Variants in SLCO3A1 observed in about 807,000 individuals in gnomAD.
SLCO3A1 encodes the protein solute carrier organic anion transporter family member 3A1.
A neutral mutation model predicts 63.1 loss-of-function variants in SLCO3A1; 27 were observed. That is an observed-to-expected ratio of 0.43 (90% CI 0.32 to 0.59). The LOEUF is 0.59. Ranked by LOEUF, SLCO3A1 falls within the 20% of genes least tolerant of loss-of-function variation. The probability of loss-of-function intolerance (pLI) is 0.09; values close to 1 mark genes in which losing one functional copy is unlikely to be tolerated. For missense variants in SLCO3A1, 773 were observed against 945.8 expected, an observed-to-expected ratio of 0.82 and a Z score of 2.40; for synonymous variants, 473 against 409.9, an observed-to-expected ratio of 1.15 and a Z score of -1.86.
At position 92,126,131 on chromosome 15, in the gene SLCO3A1, G is replaced by A. The variant is rs199722906; in HGVS notation, c.1245G>A (p.Leu415=). 114 of 1,613,850 alleles carry A rather than the reference G, an allele frequency of 7.1e-5. No individual in the cohort carries two copies. Among genetic ancestry groups the A allele is most frequent in the Middle Eastern group, 1.6e-4 (1 of 6,084 alleles). The change falls in exon 6 of 10, where the codon CTG becomes CTA. Residue 415 remains leucine (L), a synonymous_variant. Transcript: ENST00000318445. Reference sequence around the variant, plus strand: ...GTCTTTTGGTGAAGAAGCTCAGCCTGTCTGCCCTGGGGGCCATTCGGATGG... The same window carrying A: ...GTCTTTTGGTGAAGAAGCTCAGCCTATCTGCCCTGGGGGCCATTCGGATGG... ...LGGLLVKKLS[L]SALGAIRMAM...
rs1036610017 is a variant in SLCO3A1, at chr15:91,885,888, A to T, written c.181-30105A>T. 6.6e-6 allele frequency among the ~76,000 whole-genome samples: 1 copy of T among 152,202 alleles called. No individual in the cohort carries two copies. Among genetic ancestry groups the T allele is most frequent in the Admixed American group, 6.5e-5 (1 of 15,286 alleles). ...TTTGGAGCAAGAATGTTTCAGGCAG[A>T]GGGACTAGGAAGTGCAAAGGCCCTG... On this transcript the variant is annotated intron_variant, in intron 1 of 9. Coordinates refer to ENST00000318445, the MANE Select transcript of SLCO3A1 (RefSeq NM_013272.4). The surrounding 1 kb of genome is among the most constrained non-coding windows in gnomAD (Gnocchi z 4.7).
chr15:91,970,922 A>T (rs1011289117), intron 2 of SLCO3A1, among the ~76,000 whole-genome samples: 1 of 152,024 alleles, frequency 6.6e-6, no homozygotes, highest in Non-Finnish European at 1.5e-5. Context: ...CAAATCCTTA[A>T]ATAGGTATAG....
At chr15:92,075,963 A>G (rs577552299) in intron 2 of SLCO3A1, among the ~76,000 whole-genome samples, 2 of 152,242 alleles carry the variant, frequency 1.3e-5, no homozygotes, top group Non-Finnish European at 2.9e-5. Context: ...AGAAAACTGC[A>G]GAGGAAATGA....
At chr15:91,913,067 C>G (rs901465650) in intron 1 of SLCO3A1, among the ~76,000 whole-genome samples, 2 of 152,216 alleles carry the variant, frequency 1.3e-5, no homozygotes, top group African/African-American at 4.8e-5. Flanking sequence ...GACAGAACTT[C>G]TTTGGCAGTA....
Position 91,941,411 on chromosome 15 carries a change from C to T in SLCO3A1, c.646+24953C>T, listed in dbSNP as rs1021381159. ...TCTGCCACCCAGCAGATCTGTGTCA[C>T]GGGAGTGGCGCTGTCACTCGTTGAG... On this transcript the variant is annotated intron_variant, in intron 2 of 9. Transcript: ENST00000318445. The surrounding 1 kb of genome is among the most constrained non-coding windows in gnomAD (Gnocchi z 4.4). The T allele has an allele frequency of 2.5e-5, 10 of 400,706 alleles. No individual in the cohort carries two copies. Among genetic ancestry groups the T allele is most frequent in the Admixed American group, 3.0e-5 (1 of 33,356 alleles). 24.8% of individuals were successfully genotyped at this position (400,706 alleles called of 1,614,324 possible). A position where few individuals can be genotyped will look rare whatever the true frequency, so the allele number is the denominator to read the frequency against.
intron 2 of SLCO3A1, among the ~76,000 whole-genome samples, chr15:92,015,254 G>A (rs1020608358): frequency 3.3e-5 from 5 of 152,082 alleles, no homozygotes. Flanking sequence ...TTTTCATACT[G>A]CTGTGAAGAT....
chr15:91,970,356 T>C (rs1900813304), intron 2 of SLCO3A1, among the ~76,000 whole-genome samples: 1 of 152,186 alleles, frequency 6.6e-6, no homozygotes, highest in African/African-American at 2.4e-5. Context: ...GCCCCAAGCC[T>C]GGGCAGTTTG....
intron 2 of SLCO3A1, among the ~76,000 whole-genome samples, chr15:92,010,897 C>T (rs2046361650): frequency 6.6e-6 from 1 of 152,228 alleles, no homozygotes; most frequent in Non-Finnish European, 1.5e-5. Context: ...CCACCTCCAT[C>T]ACCAGCTGGC....
chr15:92,116,982 A>G (rs1456147867), intron 4 of SLCO3A1, among the ~76,000 whole-genome samples: 1 of 152,200 alleles, frequency 6.6e-6, no homozygotes, highest in Non-Finnish European at 1.5e-5. Flanking sequence ...AAACCTAATG[A>G]TTTTTCACAT....
At chr15:91,866,958 G>A (rs1897180430) in intron 1 of SLCO3A1, among the ~76,000 whole-genome samples, 2 of 152,190 alleles carry the variant, frequency 1.3e-5, no homozygotes, top group Admixed American at 1.3e-4. Flanking sequence ...TCCGAGGGTA[G>A]CAAGATGTCA....
chr15:92,029,894 C>T (rs1044123482), intron 2 of SLCO3A1, among the ~76,000 whole-genome samples: 3 of 151,898 alleles, frequency 2.0e-5, no homozygotes, highest in Admixed American at 6.6e-5. Context: ...CTTCTTGGCT[C>T]AGGTGAAGAG....
At chr15:92,046,103 C>T (rs1361814162) in intron 2 of SLCO3A1, among the ~76,000 whole-genome samples, 2 of 152,092 alleles carry the variant, frequency 1.3e-5, no homozygotes, top group Non-Finnish European at 1.5e-5. Flanking sequence ...TAGACCTAAT[C>T]GGAGCTAGAA....
intron 7 of SLCO3A1, among the ~76,000 whole-genome samples, chr15:92,135,995 C>CCTAT (rs2048052561): frequency 1.3e-5 from 2 of 152,056 alleles, no homozygotes; most frequent in Admixed American, 1.3e-4. Flanking sequence ...TAGTGAGACC[C>CCTAT]CTATCTCTGA....
intron 2 of SLCO3A1, among the ~76,000 whole-genome samples, chr15:92,056,587 T>C (rs913312538): frequency 6.6e-6 from 1 of 152,164 alleles, no homozygotes; most frequent in East Asian, 1.9e-4. Flanking sequence ...TTAGTGAGAG[T>C]GTTTATTTTC....
intron 1 of SLCO3A1, among the ~76,000 whole-genome samples, chr15:91,914,568 T>A (rs994162698): frequency 1.7e-3 from 78 of 45,606 alleles, no homozygotes; most frequent in Admixed American, 5.3e-3. Context: ...ATTTTCTTCC[T>A]TTTTTTTTTT....
At chr15:91,904,173 T>C (rs1898233533) in intron 1 of SLCO3A1, among the ~76,000 whole-genome samples, 3 of 152,186 alleles carry the variant, frequency 2.0e-5, no homozygotes, top group Admixed American at 2.0e-4. Flanking sequence ...GGCACTGCTG[T>C]TATATCATGC....
intron 2 of SLCO3A1, among the ~76,000 whole-genome samples, chr15:91,969,740 A>G (rs1392964818): frequency 6.6e-6 from 1 of 152,180 alleles, no homozygotes; most frequent in Non-Finnish European, 1.5e-5. Context: ...CTGGCATCTT[A>G]TGGGCTCACC....
chr15:91,911,888 G>A (rs1785769763), intron 1 of SLCO3A1, among the ~76,000 whole-genome samples: 1 of 152,060 alleles, frequency 6.6e-6, no homozygotes, highest in Non-Finnish European at 1.5e-5. Flanking sequence ...GCCTCCCAAA[G>A]TGCTGGGATT....
chr15:91,988,099 A>C (rs78864596), intron 2 of SLCO3A1, among the ~76,000 whole-genome samples: 5,529 of 152,292 alleles, frequency 0.036, 345 homozygotes, highest in African/African-American at 0.13. Flanking sequence ...GCAAGGAGAT[A>C]TACTTTTGAA....
Sources: allele counts gnomAD v4.1 joint callset (sites outside exome capture counted in the v4.1 genomes callset), GRCh38; gene constraint gnomAD v4.1.1; non-coding constraint Gnocchi (gnomAD v3.1); transcripts MANE v1.5; gene names NCBI Gene and HGNC (gene_info 2026-07-23, HGNC 2026-07-21).